MPPED1: variants seen among roughly 807,000 people sequenced by gnomAD.
MPPED1 encodes the protein metallophosphoesterase domain-containing protein 1.
MPPED1 carries 16 observed loss-of-function variants against 36.2 expected under a neutral mutation model. The observed-to-expected ratio is 0.44, with a 90% CI of 0.30 to 0.67. The LOEUF is 0.67. MPPED1 is among the 30% of genes least tolerant of loss of function. MPPED1 has a pLI of 0.10. For synonymous variants in MPPED1, 199 were observed against 191.3 expected (o/e 1.04, Z -0.33); for missense variants, 307 against 453.4 (o/e 0.68, Z 2.93).
Position 43,505,545 on chromosome 22 carries a change from G to T in MPPED1, c.910G>T (p.Val304Leu). The change falls in exon 7 of 7, where the codon GTA becomes TTA. Residue 304 changes from valine (V) to leucine (L), a missense_variant. Physicochemically the swap from Val to Leu is conservative, Grantham distance 32. This residue lies in a region of MPPED1 where 132 missense variants were observed against 212.3 expected (regional missense o/e 0.62). Coordinates refer to ENST00000443721, the MANE Select transcript of MPPED1 (RefSeq NM_001044370.2). The stretch of plus-strand genomic sequence containing the variant: ...GACGACCACCTATGTGAATGCGTCC[G>T]TATGCACTGTGAACTACCAGCCCGT... ...DGTTTYVNASVCTVNYQPVNP... is the reference protein window; with the variant it reads ...DGTTTYVNASLCTVNYQPVNP... The T allele has an allele frequency of 6.2e-7, 1 of 1,612,614 alleles. No individual in the cohort carries two copies.
At chr22:43,494,849 G>A (rs1023502158) in intron 4 of MPPED1, among the ~76,000 whole-genome samples, 8 of 152,180 alleles carry the variant, frequency 5.3e-5, no homozygotes, top group Admixed American at 2.6e-4. Context: ...GGTGCTGGCA[G>A]ATTCCATGTC....
intron 3 of MPPED1, among the ~76,000 whole-genome samples, chr22:43,463,807 T>TC (rs1555901253): frequency 6.2e-5 from 7 of 112,890 alleles, no homozygotes; most frequent in African/African-American, 2.4e-4. Flanking sequence ...TCATTTTTTC[T>TC]TTTCTTTCTT....
chr22:43,418,430 T>C (rs1569062053), intron 1 of MPPED1: 3 of 304,074 alleles, frequency 9.9e-6, no homozygotes, highest in East Asian at 1.8e-4. Context: ...ACCAGAATGA[T>C]CCAAGCATCT....
Position 43,412,026 on chromosome 22 carries a change from G to A in MPPED1, c.-211G>A, listed in dbSNP as rs1192823228. On this transcript the variant is annotated 5_prime_UTR_variant, in exon 1 of 7. Coordinates refer to ENST00000443721, the MANE Select transcript of MPPED1 (RefSeq NM_001044370.2). Reference sequence around the variant, plus strand: ...GAGTCTGGCTCCCACTTGCAGCCTCGGACGCGCGGCGAGGCGGCCGCCGCC... The same window carrying A: ...GAGTCTGGCTCCCACTTGCAGCCTCAGACGCGCGGCGAGGCGGCCGCCGCC... The A allele has an allele frequency of 1.0e-6, 1 of 979,250 alleles. No individual in the cohort carries two copies. Among genetic ancestry groups the A allele is most frequent in the African/African-American group, 1.8e-5 (1 of 56,522 alleles). 60.7% of individuals were successfully genotyped at this position (979,250 alleles called of 1,614,324 possible).
At chr22:43,468,575 T>C (rs1931253304) in intron 3 of MPPED1, among the ~76,000 whole-genome samples, 2 of 152,216 alleles carry the variant, frequency 1.3e-5, no homozygotes, top group African/African-American at 2.4e-5. Context: ...ACTGTCTCGC[T>C]ATGTAACCTT....
At chr22:43,469,566 C>T (rs1488940629) in intron 3 of MPPED1, among the ~76,000 whole-genome samples, 1 of 129,356 alleles carries the variant, frequency 7.7e-6, no homozygotes, top group Non-Finnish European at 1.7e-5. Flanking sequence ...GGAGACTCCT[C>T]CTGCCCACTC....
At chr22:43,496,249 G>GGTA (rs1239056248) in intron 4 of MPPED1, among the ~76,000 whole-genome samples, 1 of 95,734 alleles carries the variant, frequency 1.0e-5, no homozygotes, top group Non-Finnish European at 2.0e-5. Flanking sequence ...TGGTGGTGGA[G>GGTA]GTGGTGGTGG....
At position 43,505,689 on chromosome 22, in the gene MPPED1, T is replaced by G. The variant is rs962348294; in HGVS notation, c.*73T>G. 5.1e-6 allele frequency: 7 copies of G among 1,377,178 alleles called. No homozygotes were observed. The highest frequency in any genetic ancestry group is 7.0e-6 in the Non-Finnish European group (7 of 994,774). The allele number at this position is 1,377,178 out of a possible 1,614,324, so 85.3% of individuals were successfully genotyped here. On this transcript the variant is annotated 3_prime_UTR_variant, in exon 7 of 7. Transcript: ENST00000443721. ...CCTGGCCCGGCCACTGTTCCTTCCA[T>G]GCTGAGTTGCCTGGACGACCCATCT...
chr22:43,465,074 C>G (rs1422507245), intron 3 of MPPED1, among the ~76,000 whole-genome samples: 1 of 152,188 alleles, frequency 6.6e-6, no homozygotes, highest in Non-Finnish European at 1.5e-5. Context: ...AGGTCAGGAC[C>G]TTTATGTCAC....
chr22:43,420,309 A>G (rs1273444191), intron 1 of MPPED1, among the ~76,000 whole-genome samples: 6 of 152,162 alleles, frequency 3.9e-5, no homozygotes, highest in Admixed American at 3.9e-4. Flanking sequence ...CAGGCCGCCC[A>G]GGCCTCAGGG....
At chr22:43,489,341 G>T (rs1416123875) in intron 4 of MPPED1, among the ~76,000 whole-genome samples, 1 of 151,998 alleles carries the variant, frequency 6.6e-6, no homozygotes, top group Admixed American at 6.5e-5. Context: ...TGGCTCAGAG[G>T]CCTCTAGGAG....
intron 6 of MPPED1, among the ~76,000 whole-genome samples, chr22:43,503,177 A>G (rs1932763866): frequency 6.6e-6 from 1 of 152,174 alleles, no homozygotes. Flanking sequence ...CTGGCATACA[A>G]TAGGTGCTTA....
At chr22:43,424,805 C>G in intron 1 of MPPED1, 103 bp from the exon 2 acceptor site, 1 of 1,279,996 alleles carries the variant, frequency 7.8e-7, no homozygotes, top group Non-Finnish European at 1.0e-6. Context: ...GTTTTTTTTT[C>G]CTCTCCCCCC....
intron 1 of MPPED1, among the ~76,000 whole-genome samples, chr22:43,413,084 G>A (rs898560364): frequency 6.6e-6 from 1 of 152,222 alleles, no homozygotes; most frequent in Admixed American, 6.5e-5. Flanking sequence ...GACCTCTCTG[G>A]GATGTCTCTT....
intron 1 of MPPED1, among the ~76,000 whole-genome samples, chr22:43,415,065 C>T (rs12483886): frequency 6.6e-6 from 1 of 151,508 alleles, no homozygotes; most frequent in Non-Finnish European, 1.5e-5. Flanking sequence ...CAGCAAGAAC[C>T]GTTTAATGTA....
chr22:43,465,538 C>G (rs535916461), intron 3 of MPPED1, among the ~76,000 whole-genome samples: 2 of 152,290 alleles, frequency 1.3e-5, no homozygotes, highest in South Asian at 4.2e-4. Flanking sequence ...GCAGGGGCCT[C>G]GAAGGGGCTC....
intron 3 of MPPED1, among the ~76,000 whole-genome samples, chr22:43,466,677 G>T (rs537278032): frequency 6.6e-6 from 1 of 152,222 alleles, no homozygotes; most frequent in East Asian, 1.9e-4. Context: ...CAGTAGAGTG[G>T]ACAGGGCCAC....
At chr22:43,424,058 G>A (rs991609305) in intron 1 of MPPED1, among the ~76,000 whole-genome samples, 1 of 152,124 alleles carries the variant, frequency 6.6e-6, no homozygotes, top group Non-Finnish European at 1.5e-5. Flanking sequence ...AGGTGGGGTC[G>A]GTTGGAGGGA....
intron 3 of MPPED1, among the ~76,000 whole-genome samples, chr22:43,454,948 G>A (rs1044435671): frequency 7.9e-5 from 12 of 152,098 alleles, no homozygotes; most frequent in African/African-American, 2.9e-4. Flanking sequence ...CCAGAGACTG[G>A]GAGGCTCAAA....
Sources: allele counts gnomAD v4.1 joint callset (sites outside exome capture counted in the v4.1 genomes callset), GRCh38; gene constraint gnomAD v4.1.1; regional missense constraint gnomAD v4.1.1; transcripts MANE v1.5; gene names NCBI Gene and HGNC (gene_info 2026-07-23, HGNC 2026-07-21).